Variants in PTPRD observed in about 807,000 individuals in gnomAD.
PTPRD encodes the protein protein tyrosine phosphatase receptor type D.
In PTPRD, 34 loss-of-function variants were observed where a neutral mutation model predicts 214.5. That is an observed-to-expected ratio of 0.16 (90% CI 0.12 to 0.21). The LOEUF (loss-of-function observed/expected upper bound fraction) is 0.21. Ranked by LOEUF, PTPRD falls within the 10% of genes least tolerant of loss-of-function variation. The probability of loss-of-function intolerance (pLI) is 1.00; values close to 1 mark genes in which losing one functional copy is unlikely to be tolerated. For missense variants in PTPRD, 2,545 were observed against 2,398.7 expected (o/e 1.06, Z -1.27); for synonymous variants, 1,128 against 845.7 (o/e 1.33, Z -5.79).
chr9:9,957,253 T>A (rs989091726), intron 4 of PTPRD, among the ~76,000 whole-genome samples: 4 of 152,146 alleles, frequency 2.6e-5, no homozygotes, highest in African/African-American at 9.7e-5. Flanking sequence ...CTTTTTAAGA[T>A]ATCTCATAAA....
At chr9:10,521,031 T>G (rs1365778454) in intron 2 of PTPRD, among the ~76,000 whole-genome samples, 2 of 151,954 alleles carry the variant, frequency 1.3e-5, no homozygotes, top group African/African-American at 4.8e-5. Context: ...AGTCATTATT[T>G]TAGAAATACA....
intron 11 of PTPRD, among the ~76,000 whole-genome samples, chr9:8,803,393 GA>G (rs1330182199): frequency 6.6e-6 from 1 of 152,118 alleles, no homozygotes; most frequent in Non-Finnish European, 1.5e-5. Context: ...TTGCCGATGA[GA>G]AAATCAAACT....
chr9:9,345,872 TA>T (rs1369162409), intron 9 of PTPRD, among the ~76,000 whole-genome samples: 1 of 152,206 alleles, frequency 6.6e-6, no homozygotes, highest in Non-Finnish European at 1.5e-5. Flanking sequence ...GCCTGGTACA[TA>T]AAAGCATTAT....
intron 2 of PTPRD, among the ~76,000 whole-genome samples, chr9:10,498,418 A>G (rs115510332): frequency 0.012 from 1,888 of 152,096 alleles, 35 homozygotes; most frequent in African/African-American, 0.042. Flanking sequence ...TATTGGCACT[A>G]ATAATTATCC....
intron 3 of PTPRD, among the ~76,000 whole-genome samples, chr9:10,278,064 G>GC (rs1168839362): frequency 1.3e-5 from 2 of 152,102 alleles, no homozygotes; most frequent in African/African-American, 4.8e-5. Context: ...GGAGGCTGAG[G>GC]CAGGAGAATG....
chr9:10,314,223 G>C (rs190638421), intron 3 of PTPRD, among the ~76,000 whole-genome samples: 33 of 152,018 alleles, frequency 2.2e-4, no homozygotes, highest in African/African-American at 7.7e-4. Context: ...TATTCTGGAA[G>C]TGTGAAGAAC....
intron 8 of PTPRD, among the ~76,000 whole-genome samples, chr9:9,409,075 T>C (rs1333135083): frequency 6.6e-6 from 1 of 152,000 alleles, no homozygotes; most frequent in Non-Finnish European, 1.5e-5. Context: ...GTCTTTATTC[T>C]AGAATATTCT....
intron 3 of PTPRD, among the ~76,000 whole-genome samples, chr9:10,035,327 C>T (rs1412414579): frequency 1.3e-5 from 2 of 151,900 alleles, no homozygotes; most frequent in Non-Finnish European, 2.9e-5. Context: ...CTTATACATA[C>T]TGGATATTAG....
intron 7 of PTPRD, among the ~76,000 whole-genome samples, chr9:9,583,707 T>C (rs2091337534): frequency 6.6e-6 from 1 of 152,044 alleles, no homozygotes; most frequent in Non-Finnish European, 1.5e-5. Context: ...TGGTATAGCC[T>C]TTATGTAAAT....
At chr9:10,194,941 ATTT>A (rs113659073) in intron 3 of PTPRD, among the ~76,000 whole-genome samples, 5 of 137,042 alleles carry the variant, frequency 3.6e-5, no homozygotes, top group Admixed American at 7.4e-5. Flanking sequence ...TTTTCATTTA[ATTT>A]TTTTTTTTTT....
intron 12 of PTPRD, among the ~76,000 whole-genome samples, chr9:8,653,388 C>T (rs1215734087): frequency 1.3e-5 from 2 of 152,006 alleles, no homozygotes; most frequent in Non-Finnish European, 1.5e-5. Flanking sequence ...ACAAAGCATT[C>T]GGTAATATAG....
At chr9:9,769,104 A>G (rs1253019213) in intron 5 of PTPRD, among the ~76,000 whole-genome samples, 1 of 152,168 alleles carries the variant, frequency 6.6e-6, no homozygotes, top group Non-Finnish European at 1.5e-5. Flanking sequence ...AGACTTCAGA[A>G]GACAAAAAGA....
chr9:9,653,989 T>C (rs1008844649), intron 7 of PTPRD, among the ~76,000 whole-genome samples: 2 of 152,158 alleles, frequency 1.3e-5, no homozygotes, highest in African/African-American at 4.8e-5. Flanking sequence ...TATTACAGAC[T>C]TCACTTAGAA....
At chr9:8,765,862 G>A (rs184080434) in intron 11 of PTPRD, among the ~76,000 whole-genome samples, 3 of 152,092 alleles carry the variant, frequency 2.0e-5, no homozygotes, top group South Asian at 2.1e-4. Context: ...TTTGATATTG[G>A]ACAGTGTATC....
At chr9:10,488,884 A>G (rs1389221369) in intron 2 of PTPRD, among the ~76,000 whole-genome samples, 2 of 152,146 alleles carry the variant, frequency 1.3e-5, no homozygotes, top group African/African-American at 4.8e-5. Context: ...GGAGAGGTCC[A>G]GAAATGCAGT....
intron 3 of PTPRD, among the ~76,000 whole-genome samples, chr9:10,238,717 C>G (rs1261379785): frequency 1.3e-5 from 2 of 151,788 alleles, no homozygotes; most frequent in Non-Finnish European, 2.9e-5. Flanking sequence ...ATATAGCAAA[C>G]TATGTTATGC....
At chr9:8,491,373 A>T (rs568645034) in intron 27 of PTPRD, among the ~76,000 whole-genome samples, 9 of 152,184 alleles carry the variant, frequency 5.9e-5, no homozygotes, top group Non-Finnish European at 1.2e-4. Context: ...TCTAAAATTC[A>T]TATTCCTCGG....
At chr9:8,796,740 C>T (rs998303044) in intron 11 of PTPRD, among the ~76,000 whole-genome samples, 1 of 152,150 alleles carries the variant, frequency 6.6e-6, no homozygotes, top group Admixed American at 6.5e-5. Context: ...CTCTAATCTT[C>T]TGGTTGAGAA....
chr9:10,135,081 G>C (rs1042166312), intron 3 of PTPRD, among the ~76,000 whole-genome samples: 3 of 152,102 alleles, frequency 2.0e-5, no homozygotes, highest in Non-Finnish European at 4.4e-5. Flanking sequence ...CCATAATTTG[G>C]TTTGAAGAAT....
Sources: gnomAD v4.1 joint callset for allele counts (sites outside exome capture counted in the v4.1 genomes callset) on GRCh38, gnomAD v4.1.1 for gene constraint, MANE v1.5 for transcripts, NCBI Gene and HGNC (gene_info 2026-07-23, HGNC 2026-07-21) for gene names.